CCSER1: variants seen among roughly 807,000 people sequenced by gnomAD.
CCSER1 encodes the protein coiled-coil serine rich protein 1, also known as serine-rich coiled-coil domain-containing protein 1.
In CCSER1, 41 loss-of-function variants were observed where a neutral mutation model predicts 82.0. The ratio of observed to expected loss-of-function variants is 0.50; its 90% CI spans 0.39 to 0.65. CCSER1 has a LOEUF of 0.65. Ranked by LOEUF, CCSER1 falls within the 30% of genes least tolerant of loss-of-function variation. The probability of loss-of-function intolerance (pLI) is 0.00; values close to 1 mark genes in which losing one functional copy is unlikely to be tolerated. For synonymous variants in CCSER1, 414 were observed against 383.9 expected, an observed-to-expected ratio of 1.08 and a Z score of -0.92; for missense variants, 1,119 against 1,064.2, an observed-to-expected ratio of 1.05 and a Z score of -0.72.
intron 1 of CCSER1, among the ~76,000 whole-genome samples, chr4:90,295,068 G>C (rs1731618843): frequency 6.6e-6 from 1 of 151,742 alleles, no homozygotes; most frequent in Admixed American, 6.6e-5. Flanking sequence ...TTATGCTGTG[G>C]AATAAATAGA....
intron 4 of CCSER1, among the ~76,000 whole-genome samples, chr4:90,407,326 G>T (rs1218438974): frequency 6.6e-6 from 1 of 152,128 alleles, no homozygotes; most frequent in Non-Finnish European, 1.5e-5. Context: ...TCTCTGAACA[G>T]ACCAATAATA....
intron 10 of CCSER1, among the ~76,000 whole-genome samples, chr4:91,374,093 C>A (rs1750229599): frequency 6.6e-6 from 1 of 151,700 alleles, no homozygotes; most frequent in African/African-American, 2.4e-5. Context: ...GAAAAGACAC[C>A]ATCTTCATAA....
chr4:91,231,169 C>T (rs1343242541), intron 10 of CCSER1, among the ~76,000 whole-genome samples: 1 of 151,716 alleles, frequency 6.6e-6, no homozygotes, highest in Non-Finnish European at 1.5e-5. Context: ...TGGCATTAAT[C>T]ACAATGGCAT....
intron 10 of CCSER1, among the ~76,000 whole-genome samples, chr4:91,598,291 T>G (rs1372946775): frequency 6.6e-6 from 1 of 152,202 alleles, no homozygotes; most frequent in East Asian, 1.9e-4. Context: ...TTTTACTTAA[T>G]AAAATAATCT....
chr4:90,259,371 G>A lies in CCSER1; in HGVS notation c.-41-48873G>A, dbSNP rs544352383. Among the ~76,000 whole-genome samples, 16 of 152,204 alleles carry A rather than the reference G, an allele frequency of 1.1e-4. 1 individual carries two copies. The highest frequency in any genetic ancestry group is 3.4e-3 in the Middle Eastern group (1 of 294). On this transcript the variant is annotated intron_variant, in intron 1 of 10. Coordinates refer to ENST00000509176, the MANE Select transcript of CCSER1 (RefSeq NM_001145065.2). ...TATCAGATCTAGGTGCCTTTTGGAT[G>A]AGTATTTATGGTTTTCTAGGTATAT...
chr4:90,611,853 G>A (rs903982366), intron 5 of CCSER1, among the ~76,000 whole-genome samples: 2 of 150,036 alleles, frequency 1.3e-5, no homozygotes, highest in African/African-American at 4.9e-5. Context: ...AACCACTCAC[G>A]TGGCATGAAA....
At chr4:90,547,444 T>G (rs1354666107) in intron 5 of CCSER1, among the ~76,000 whole-genome samples, 3 of 152,078 alleles carry the variant, frequency 2.0e-5, no homozygotes, top group Admixed American at 2.0e-4. Context: ...AACATATTAA[T>G]ACACTTTCAC....
intron 10 of CCSER1, among the ~76,000 whole-genome samples, chr4:91,164,328 G>A (rs1731785824): frequency 6.6e-6 from 1 of 152,088 alleles, no homozygotes; most frequent in Non-Finnish European, 1.5e-5. Context: ...TCCCTTTGTG[G>A]GTAACCCGAC....
intron 6 of CCSER1, among the ~76,000 whole-genome samples, chr4:90,699,820 G>A (rs1737694762): frequency 6.6e-6 from 1 of 152,016 alleles, no homozygotes; most frequent in Admixed American, 6.6e-5. Context: ...TCAGTTATGA[G>A]GTTGGAGCCC....
intron 5 of CCSER1, among the ~76,000 whole-genome samples, chr4:90,609,693 T>A (rs561779745): frequency 1.3e-5 from 2 of 152,258 alleles, no homozygotes; most frequent in Non-Finnish European, 2.9e-5. Context: ...TCTCTAAATC[T>A]AGCTATCATA....
intron 10 of CCSER1, among the ~76,000 whole-genome samples, chr4:91,376,173 G>C (rs1750398501): frequency 6.6e-6 from 1 of 152,112 alleles, no homozygotes; most frequent in Non-Finnish European, 1.5e-5. Flanking sequence ...ATAGGTCAAA[G>C]ACCCAACAGG....
intron 10 of CCSER1, among the ~76,000 whole-genome samples, chr4:91,247,525 T>A (rs1222193819): frequency 6.6e-6 from 1 of 152,172 alleles, no homozygotes; most frequent in African/African-American, 2.4e-5. Flanking sequence ...AATGACACAC[T>A]AACAAGCACA....
rs151295488 is a variant in CCSER1 at position 90,963,087 on chromosome 4, G to A, written c.2172+39640G>A. On this transcript the variant is annotated intron_variant, in intron 9 of 10. Coordinates refer to ENST00000509176, the MANE Select transcript of CCSER1 (RefSeq NM_001145065.2). Reference sequence around the variant, plus strand: ...GCTAATTGTTCAGGTTTCTTTTTAAGGTAGAATAGTATTTTAACAAAATTT... The same window carrying A: ...GCTAATTGTTCAGGTTTCTTTTTAAAGTAGAATAGTATTTTAACAAAATTT... Among the ~76,000 whole-genome samples the A allele has an allele frequency of 1.1e-3, 171 of 152,142 alleles. 1 individual carries two copies. Among genetic ancestry groups the A allele is most frequent in the Non-Finnish European group, 1.8e-3 (123 of 67,982 alleles).
At chr4:91,344,387 T>G (rs942498202) in intron 10 of CCSER1, among the ~76,000 whole-genome samples, 1 of 152,192 alleles carries the variant, frequency 6.6e-6, no homozygotes, top group African/African-American at 2.4e-5. Flanking sequence ...GCATAATAAT[T>G]ATAACAAAGA....
chr4:91,186,336 G>C (rs1734531733), intron 10 of CCSER1, among the ~76,000 whole-genome samples: 1 of 152,094 alleles, frequency 6.6e-6, no homozygotes, highest in Non-Finnish European at 1.5e-5. Context: ...TTCCATGGTA[G>C]AATGGACCAG....
Position 90,418,298 on chromosome 4 carries a change from A to C in CCSER1, c.1603+18169A>C, listed in dbSNP as rs150935841. Among the ~76,000 whole-genome samples, 1,229 of 152,204 alleles carry C rather than the reference A, an allele frequency of 8.1e-3. 10 individuals carry two copies. The highest frequency in any genetic ancestry group is 0.029 in the South Asian group (141 of 4,824). The stretch of plus-strand genomic sequence containing the variant: ...TGTAAAATGTGATATACCTGTATGT[A>C]GGCCAATCAGCATCTGATTCTGACA... On this transcript the variant is annotated intron_variant, in intron 4 of 10. Coordinates refer to ENST00000509176, the MANE Select transcript of CCSER1 (RefSeq NM_001145065.2).
intron 6 of CCSER1, among the ~76,000 whole-genome samples, chr4:90,713,855 T>G (rs1191326316): frequency 6.6e-6 from 1 of 152,072 alleles, no homozygotes; most frequent in Non-Finnish European, 1.5e-5. Flanking sequence ...CATTCTTTTT[T>G]CTTTATTCTT....
chr4:91,455,181 A>T (rs950775994), intron 10 of CCSER1, among the ~76,000 whole-genome samples: 1 of 152,052 alleles, frequency 6.6e-6, no homozygotes, highest in Non-Finnish European at 1.5e-5. Flanking sequence ...TGGAGGTAAT[A>T]GAAAGTTCCT....
intron 10 of CCSER1, among the ~76,000 whole-genome samples, chr4:91,508,388 A>G (rs1759641880): frequency 6.6e-6 from 1 of 151,712 alleles, no homozygotes. Flanking sequence ...TTCATCCATT[A>G]ATATGGTATT....
Sources: gnomAD v4.1 joint callset for allele counts (sites outside exome capture counted in the v4.1 genomes callset) on GRCh38, gnomAD v4.1.1 for gene constraint, MANE v1.5 for transcripts, NCBI Gene and HGNC (gene_info 2026-07-23, HGNC 2026-07-21) for gene names.